Variants in CUX2 observed in about 807,000 individuals in gnomAD.
The protein encoded by CUX2 is homeobox protein cut-like 2.
In CUX2, 40 loss-of-function variants were observed where a neutral mutation model predicts 144.8. That is an observed-to-expected ratio of 0.28 (90% CI 0.21 to 0.36). The LOEUF (loss-of-function observed/expected upper bound fraction) is 0.36. CUX2 is among the 10% of genes least tolerant of loss of function. The pLI, the probability that CUX2 is intolerant of heterozygous loss-of-function variation, is 1.00. For synonymous variants in CUX2, 827 were observed against 875.6 expected (o/e 0.94, Z 0.98); for missense variants, 1,615 against 1,994.0 (o/e 0.81, Z 3.62).
Position 111,263,785 on chromosome 12 carries a change from C to A in CUX2, c.247C>A (p.Gln83Lys). Reference protein sequence around the residue: ...AEVVALSKRSQEAEAAFLSVY... With the variant: ...AEVVALSKRSKEAEAAFLSVY... ...GGTGGTGGCCCTTAGTAAGAGAAGTCAGGAGGCGGAGGCTGCTTTTCTGAG... is the reference window on the plus strand; with the variant it reads ...GGTGGTGGCCCTTAGTAAGAGAAGTAAGGAGGCGGAGGCTGCTTTTCTGAG... The change falls in exon 4 of 22, where the codon CAG (glutamine) becomes AAG (lysine). Residue 83 changes from glutamine (Q) to lysine (K), a missense_variant. Gln to Lys is a moderately conservative substitution (Grantham distance 53, BLOSUM62 1). Coordinates refer to ENST00000261726, the MANE Select transcript of CUX2 (RefSeq NM_015267.4). This position sits in a 1 kb window ranked among gnomAD's most constrained non-coding sequence, Gnocchi z 4.0. 1 of 1,614,120 alleles carries A rather than the reference C, an allele frequency of 6.2e-7. No individual in the cohort carries two copies. The highest frequency in any genetic ancestry group is 8.5e-7 in the Non-Finnish European group (1 of 1,179,988).
intron 1 of CUX2, among the ~76,000 whole-genome samples, chr12:111,106,595 C>T (rs2136076488): frequency 6.6e-6 from 1 of 152,334 alleles, no homozygotes; most frequent in Non-Finnish European, 1.5e-5. Flanking sequence ...CATATCTGGC[C>T]TAATAATGAG....
At chr12:111,100,595 G>A (rs148814539) in intron 1 of CUX2, among the ~76,000 whole-genome samples, 2 of 152,312 alleles carry the variant, frequency 1.3e-5, no homozygotes, top group East Asian at 3.9e-4. Context: ...GTGTGTGTAA[G>A]CATGAGTGTA....
intron 1 of CUX2, among the ~76,000 whole-genome samples, chr12:111,048,063 G>A (rs1340598916): frequency 6.6e-6 from 1 of 152,168 alleles, no homozygotes; most frequent in Admixed American, 6.5e-5. Context: ...GGAGAAGAGG[G>A]GAGGGAGAGA....
At chr12:111,314,907 G>A (rs867151160) in intron 16 of CUX2, among the ~76,000 whole-genome samples, 6 of 151,848 alleles carry the variant, frequency 4.0e-5, no homozygotes, top group South Asian at 4.2e-4. Flanking sequence ...GGACAACTGA[G>A]GCTAGGGAGG....
intron 19 of CUX2, among the ~76,000 whole-genome samples, chr12:111,335,931 A>G (rs1888329904): frequency 6.6e-6 from 1 of 152,044 alleles, no homozygotes; most frequent in Non-Finnish European, 1.5e-5. Context: ...AAAAAAAAAA[A>G]AAGACAAAAG....
intron 1 of CUX2, among the ~76,000 whole-genome samples, chr12:111,147,068 G>C (rs1876726217): frequency 6.6e-6 from 1 of 152,226 alleles, no homozygotes; most frequent in Non-Finnish European, 1.5e-5. Flanking sequence ...TCGGGAGGCA[G>C]TGGTTCCAGT....
At chr12:111,253,441 A>G (rs555094390) in intron 3 of CUX2, among the ~76,000 whole-genome samples, 2 of 152,008 alleles carry the variant, frequency 1.3e-5, no homozygotes, top group East Asian at 3.9e-4. Flanking sequence ...GCTGTCTGCA[A>G]TACTCTTTCC....
intron 18 of CUX2, among the ~76,000 whole-genome samples, chr12:111,328,976 C>CTCCCCCTCTCT (rs1887960160): frequency 6.5e-5 from 2 of 30,840 alleles, no homozygotes; most frequent in Admixed American, 7.9e-4. Context: ...TCTCTCTCTC[C>CTCCCCCTCTCT]CCCTCTCTCC....
At chr12:111,308,627 G>GT in intron 14 of CUX2, 101 bp downstream of exon 14, 1 of 989,994 alleles carries the variant, frequency 1.0e-6, no homozygotes, top group Non-Finnish European at 1.5e-6. Flanking sequence ...CATGCAGGCA[G>GT]GAGAACGACA....
At chr12:111,081,418 A>G (rs33986760) in intron 1 of CUX2, among the ~76,000 whole-genome samples, 14,749 of 152,152 alleles carry the variant, frequency 0.097, 2,371 homozygotes, top group African/African-American at 0.34. Flanking sequence ...CAAGCAGCAC[A>G]TGTGGTGTAG....
chr12:111,278,608 C>A (rs914063617), intron 4 of CUX2, among the ~76,000 whole-genome samples: 1 of 152,170 alleles, frequency 6.6e-6, no homozygotes, highest in Non-Finnish European at 1.5e-5. Context: ...GTTAATTGAG[C>A]ACCTACTATG....
chr12:111,108,217 T>G (rs938652288), intron 1 of CUX2, among the ~76,000 whole-genome samples: 1 of 152,226 alleles, frequency 6.6e-6, no homozygotes, highest in Non-Finnish European at 1.5e-5. Flanking sequence ...AGGAGTGATG[T>G]TGTGTCCTTC....
intron 1 of CUX2, among the ~76,000 whole-genome samples, chr12:111,105,010 G>A (rs1277559503): frequency 2.6e-5 from 4 of 152,212 alleles, no homozygotes; most frequent in Non-Finnish European, 4.4e-5. Context: ...CTCCCAGCCC[G>A]GTTTTCCCAG....
At chr12:111,153,093 G>A (rs924262314) in intron 1 of CUX2, among the ~76,000 whole-genome samples, 10 of 152,180 alleles carry the variant, frequency 6.6e-5, no homozygotes, top group African/African-American at 2.4e-4. Context: ...GCCACCCGAG[G>A]TTCAGGGATA....
At chr12:111,332,126 ACCTTTTTT>A (rs1888144242) in intron 18 of CUX2, among the ~76,000 whole-genome samples, 1 of 128,724 alleles carries the variant, frequency 7.8e-6, no homozygotes, top group Admixed American at 7.9e-5. Flanking sequence ...AAATCTGTCT[ACCTTTTTT>A]TTTTTTTTTT....
intron 8 of CUX2, among the ~76,000 whole-genome samples, chr12:111,297,641 A>G (rs1309088503): frequency 6.6e-6 from 1 of 152,190 alleles, no homozygotes; most frequent in African/African-American, 2.4e-5. Flanking sequence ...TTTAGGCTTT[A>G]AGAAATCATT....
chr12:111,299,239 G>A (rs1175796358), intron 9 of CUX2, among the ~76,000 whole-genome samples: 3 of 152,228 alleles, frequency 2.0e-5, no homozygotes, highest in East Asian at 1.9e-4. Flanking sequence ...TGAGGTCTGC[G>A]GGCCCGCACT....
chr12:111,191,003 G>A (rs893780130), intron 1 of CUX2, among the ~76,000 whole-genome samples: 6 of 152,242 alleles, frequency 3.9e-5, no homozygotes, highest in Admixed American at 2.0e-4. Context: ...AGCTTCCCAC[G>A]GGACTCCACC....
At chr12:111,343,836 G>T (rs547120450) in intron 21 of CUX2, among the ~76,000 whole-genome samples, 2 of 152,298 alleles carry the variant, frequency 1.3e-5, no homozygotes, top group Non-Finnish European at 2.9e-5. Context: ...CAAGGCAGGC[G>T]GATCACCTGA....
Sources: allele counts gnomAD v4.1 joint callset (sites outside exome capture counted in the v4.1 genomes callset), GRCh38; gene constraint gnomAD v4.1.1; non-coding constraint Gnocchi (gnomAD v3.1); transcripts MANE v1.5; gene names NCBI Gene and HGNC (gene_info 2026-07-23, HGNC 2026-07-21).